Variants in PLCL1 observed in about 807,000 individuals in gnomAD.
The protein encoded by PLCL1 is phospholipase C like 1 (inactive).
In PLCL1, 41 loss-of-function variants were observed where a neutral mutation model predicts 84.4. That is an observed-to-expected ratio of 0.49 (90% CI 0.38 to 0.63). The LOEUF (loss-of-function observed/expected upper bound fraction) is 0.63, where lower values mean the gene tolerates loss of function less well. Ranked by LOEUF, PLCL1 falls within the 30% of genes least tolerant of loss-of-function variation. The probability of loss-of-function intolerance (pLI) is 0.00; values close to 1 mark genes in which losing one functional copy is unlikely to be tolerated. For synonymous variants in PLCL1, 490 were observed against 488.3 expected, an observed-to-expected ratio of 1.00 and a Z score of -0.05; for missense variants, 1,206 against 1,367.8, an observed-to-expected ratio of 0.88 and a Z score of 1.87.
At chr2:197,946,828 T>TAA (rs767928920) in intron 1 of PLCL1, among the ~76,000 whole-genome samples, 21 of 152,320 alleles carry the variant, frequency 1.4e-4, no homozygotes, top group Non-Finnish European at 2.5e-4. Flanking sequence ...GTTCAACATT[T>TAA]AAAAAGCCTC....
At chr2:197,942,714 G>T (rs1489491629) in intron 1 of PLCL1, among the ~76,000 whole-genome samples, 1 of 152,184 alleles carries the variant, frequency 6.6e-6, no homozygotes, top group African/African-American at 2.4e-5. Context: ...TTCCTGCAAA[G>T]GATAAGGTCA....
chr2:197,932,786 T>C (rs569807497), intron 1 of PLCL1, among the ~76,000 whole-genome samples: 5 of 152,218 alleles, frequency 3.3e-5, no homozygotes, highest in African/African-American at 9.6e-5. Flanking sequence ...TGGCAGTAAA[T>C]TGGTATTAAA....
chr2:198,071,183 T>G (rs1692456595), intron 1 of PLCL1: 1 of 155,838 alleles, frequency 6.4e-6, no homozygotes. Context: ...TTATATGGGC[T>G]GTATAGGATC....
At chr2:197,919,840 A>G (rs1004332634) in intron 1 of PLCL1, among the ~76,000 whole-genome samples, 2 of 152,240 alleles carry the variant, frequency 1.3e-5, no homozygotes, top group Admixed American at 6.5e-5. Flanking sequence ...ACCTTGAAGC[A>G]TGAATGAGAA....
intron 1 of PLCL1, among the ~76,000 whole-genome samples, chr2:198,022,651 G>A (rs1222111566): frequency 6.6e-6 from 1 of 152,074 alleles, no homozygotes; most frequent in Non-Finnish European, 1.5e-5. Context: ...ATTCACAATT[G>A]CTACAAAGAG....
chr2:197,884,337 G>A (rs1687880512), intron 1 of PLCL1, among the ~76,000 whole-genome samples: 1 of 152,148 alleles, frequency 6.6e-6, no homozygotes, highest in African/African-American at 2.4e-5. Context: ...GGGGCATAGG[G>A]CAAAAAGTTT....
intron 1 of PLCL1, among the ~76,000 whole-genome samples, chr2:197,887,525 T>C (rs185990052): frequency 6.6e-6 from 1 of 152,294 alleles, no homozygotes; most frequent in East Asian, 1.9e-4. Flanking sequence ...CCACTGATGG[T>C]ATATGAGAGT....
chr2:197,845,750 T>G (rs971845011), intron 1 of PLCL1, among the ~76,000 whole-genome samples: 1 of 152,184 alleles, frequency 6.6e-6, no homozygotes, highest in Non-Finnish European at 1.5e-5. Context: ...CTTCACTCTC[T>G]ATAGTATATA....
chr2:198,066,254 T>C (rs1371420896), intron 1 of PLCL1, among the ~76,000 whole-genome samples: 1 of 152,192 alleles, frequency 6.6e-6, no homozygotes, highest in Non-Finnish European at 1.5e-5. Context: ...AAATCCCAAA[T>C]TTTTACCTTG....
intron 1 of PLCL1, among the ~76,000 whole-genome samples, chr2:197,978,202 T>C (rs957594243): frequency 5.3e-5 from 8 of 151,970 alleles, no homozygotes; most frequent in Admixed American, 4.6e-4. Context: ...TCAGGCCGGG[T>C]GTGGTGGCTC....
rs915239855 is a variant in PLCL1, at chr2:197,807,690, AT to A, written c.240+2360del. On this transcript the variant is annotated intron_variant, in intron 1 of 5. Coordinates refer to ENST00000428675, the MANE Select transcript of PLCL1 (RefSeq NM_006226.4). ...GCATTTTTCACAGTTTTGCCAAGAG[AT>A]TTTTTTTTAAATTTGGCATTGAAAT... 9.2e-5 allele frequency among the ~76,000 whole-genome samples: 14 copies of A among 151,774 alleles called. No homozygotes were observed. In the South Asian group the frequency reaches 1.3e-3, roughly 14 times the overall value.
intron 1 of PLCL1, among the ~76,000 whole-genome samples, chr2:197,950,489 T>C (rs1248155404): frequency 2.0e-5 from 3 of 152,138 alleles, no homozygotes; most frequent in African/African-American, 7.2e-5. Context: ...CATGATCAGA[T>C]AGATTTAAAC....
intron 1 of PLCL1, among the ~76,000 whole-genome samples, chr2:197,820,887 A>G (rs1248013740): frequency 6.6e-6 from 1 of 152,136 alleles, no homozygotes; most frequent in Non-Finnish European, 1.5e-5. Context: ...GAAGCTTCGT[A>G]TGGACATTAA....
chr2:197,828,404 A>G (rs1468360692), intron 1 of PLCL1, among the ~76,000 whole-genome samples: 1 of 152,104 alleles, frequency 6.6e-6, no homozygotes, highest in Non-Finnish European at 1.5e-5. Context: ...TGTCTTTGTG[A>G]TTTTAAATTG....
intron 1 of PLCL1, among the ~76,000 whole-genome samples, chr2:197,838,917 T>C (rs1161590912): frequency 1.3e-5 from 2 of 152,236 alleles, no homozygotes; most frequent in Non-Finnish European, 2.9e-5. Context: ...CTGCTTTATC[T>C]TAGAAATATG....
chr2:198,113,792 A>G (rs985928714), intron 5 of PLCL1, among the ~76,000 whole-genome samples: 1 of 151,920 alleles, frequency 6.6e-6, no homozygotes, highest in African/African-American at 2.4e-5. Context: ...ATTACCACTC[A>G]TTAGCATTAT....
At chr2:197,926,838 C>T (rs938015649) in intron 1 of PLCL1, among the ~76,000 whole-genome samples, 4 of 152,186 alleles carry the variant, frequency 2.6e-5, no homozygotes, top group South Asian at 2.1e-4. Context: ...CTGTGGTACT[C>T]GTTTGGGTTT....
chr2:197,807,799 A>T (rs1466525881), intron 1 of PLCL1, among the ~76,000 whole-genome samples: 1 of 152,208 alleles, frequency 6.6e-6, no homozygotes, highest in Non-Finnish European at 1.5e-5. Context: ...GTAATAATTG[A>T]TATTCATAAT....
intron 1 of PLCL1, among the ~76,000 whole-genome samples, chr2:197,920,309 T>C (rs1688679048): frequency 6.6e-6 from 1 of 151,864 alleles, no homozygotes; most frequent in African/African-American, 2.4e-5. Flanking sequence ...GTGCTTTTGA[T>C]GTTGAGTGGT....
Sources: gnomAD v4.1 joint callset for allele counts (sites outside exome capture counted in the v4.1 genomes callset) on GRCh38, gnomAD v4.1.1 for gene constraint, MANE v1.5 for transcripts, NCBI Gene and HGNC (gene_info 2026-07-23, HGNC 2026-07-21) for gene names.